CNTN3: variants seen among roughly 807,000 people sequenced by gnomAD.
CNTN3 encodes the protein contactin 3, also known as contactin-3.
CNTN3 carries 60 observed loss-of-function variants against 119.1 expected under a neutral mutation model. The ratio of observed to expected loss-of-function variants is 0.50; its 90% CI spans 0.41 to 0.62. CNTN3 has a LOEUF of 0.62. Among genes scored for constraint, CNTN3 ranks in the 20% least tolerant of loss-of-function variants. CNTN3 has a pLI of 0.00. For missense variants in CNTN3, 1,101 were observed against 1,242.4 expected, an observed-to-expected ratio of 0.89 and a Z score of 1.71; for synonymous variants, 450 against 438.7, an observed-to-expected ratio of 1.03 and a Z score of -0.32.
intron 4 of CNTN3, among the ~76,000 whole-genome samples, chr3:74,468,962 TC>T (rs1453661690): frequency 6.6e-6 from 1 of 152,096 alleles, no homozygotes; most frequent in East Asian, 1.9e-4. Flanking sequence ...GCAAGCATAT[TC>T]TAAAGGCCAT....
intron 20 of CNTN3, among the ~76,000 whole-genome samples, chr3:74,282,660 A>G (rs1353788658): frequency 1.3e-5 from 2 of 152,132 alleles, no homozygotes; most frequent in African/African-American, 4.8e-5. Context: ...TTCTCTTCAT[A>G]GTGATAATCA....
At chr3:74,280,989 T>C (rs1701994920) in intron 20 of CNTN3, among the ~76,000 whole-genome samples, 1 of 152,124 alleles carries the variant, frequency 6.6e-6, no homozygotes, top group Non-Finnish European at 1.5e-5. Context: ...TGTGGGTATC[T>C]GGAGGAAGAG....
In CNTN3 at chr3:74,612,441, A is replaced by C. The variant is rs77087390; in HGVS notation, c.-81+1950T>G. Among the ~76,000 whole-genome samples the C allele has an allele frequency of 1.3e-3, 204 of 152,280 alleles. 1 individual carries two copies. In the East Asian group the frequency reaches 0.032, roughly 24 times the overall value. ...CTGGTTGTGTTGTGAAGAATATTTA[A>C]AAGTTAGAGTTCTCCTGGAGAAATG... On this transcript the variant is annotated intron_variant, in intron 1 of 22. Coordinates refer to ENST00000263665, the MANE Select transcript of CNTN3 (RefSeq NM_020872.3).
At chr3:74,453,913 G>A (rs1394158973) in intron 4 of CNTN3, among the ~76,000 whole-genome samples, 1 of 152,092 alleles carries the variant, frequency 6.6e-6, no homozygotes, top group Non-Finnish European at 1.5e-5. Flanking sequence ...CATTTGCTGA[G>A]GAGAGCTTTA....
intron 5 of CNTN3, among the ~76,000 whole-genome samples, chr3:74,424,598 G>A (rs942720442): frequency 6.6e-6 from 1 of 152,106 alleles, no homozygotes; most frequent in African/African-American, 2.4e-5. Flanking sequence ...GCACCGTTAG[G>A]TGACTGAAGC....
intron 3 of CNTN3, among the ~76,000 whole-genome samples, chr3:74,492,307 G>A (rs994774436): frequency 2.0e-5 from 3 of 152,112 alleles, no homozygotes; most frequent in Non-Finnish European, 4.4e-5. Context: ...TAATCAGAGA[G>A]AAATATTTGG....
chr3:74,297,384 G>GAA (rs72102148), intron 18 of CNTN3, among the ~76,000 whole-genome samples: 2,443 of 145,016 alleles, frequency 0.017, 74 homozygotes, highest in African/African-American at 0.056. Context: ...ATGCCCAGAA[G>GAA]AAAAAAAAAA....
intron 4 of CNTN3, among the ~76,000 whole-genome samples, chr3:74,438,188 T>C (rs1701903734): frequency 6.6e-6 from 1 of 152,180 alleles, no homozygotes; most frequent in South Asian, 2.1e-4. Context: ...TAAGAACTTT[T>C]TAATAGTGTA....
chr3:74,495,885 A>T (rs1406723153), intron 3 of CNTN3, among the ~76,000 whole-genome samples: 1 of 152,056 alleles, frequency 6.6e-6, no homozygotes, highest in African/African-American at 2.4e-5. Context: ...TAGAGCTGAA[A>T]GAGAATAACG....
At chr3:74,470,378 A>G (rs1474027968) in intron 4 of CNTN3, among the ~76,000 whole-genome samples, 2 of 151,810 alleles carry the variant, frequency 1.3e-5, no homozygotes, top group Non-Finnish European at 2.9e-5. Flanking sequence ...TAGTATCTGA[A>G]TCTGTCCTTC....
At chr3:74,433,915 A>T (rs182125247) in intron 4 of CNTN3, among the ~76,000 whole-genome samples, 93 of 152,248 alleles carry the variant, frequency 6.1e-4, no homozygotes, top group Non-Finnish European at 5.4e-4. Context: ...CCAGGATTAG[A>T]GCCTTGTCAT....
At chr3:74,593,737 A>T (rs2106691088) in intron 1 of CNTN3, among the ~76,000 whole-genome samples, 1 of 152,078 alleles carries the variant, frequency 6.6e-6, no homozygotes, top group Non-Finnish European at 1.5e-5. Flanking sequence ...CTGTTTCTTG[A>T]TTGGGACAAA....
At chr3:74,296,189 T>A (rs1279327377) in intron 18 of CNTN3, among the ~76,000 whole-genome samples, 5 of 152,168 alleles carry the variant, frequency 3.3e-5, no homozygotes, top group African/African-American at 1.2e-4. Context: ...GTAAGCCCGA[T>A]TCATTTTTCA....
At chr3:74,597,628 C>T (rs1390385300) in intron 1 of CNTN3, among the ~76,000 whole-genome samples, 1 of 151,982 alleles carries the variant, frequency 6.6e-6, no homozygotes, top group African/African-American at 2.4e-5. Flanking sequence ...GTTTCTTTTT[C>T]AGGGATTTGT....
chr3:74,394,013 C>T (rs1253246345), intron 5 of CNTN3, among the ~76,000 whole-genome samples: 5 of 152,048 alleles, frequency 3.3e-5, no homozygotes, highest in Non-Finnish European at 7.4e-5. Flanking sequence ...TATTGTGCAG[C>T]AGAATAAGAA....
chr3:74,359,121 G>T lies in CNTN3; in HGVS notation c.1364+2769C>A, dbSNP rs148111291. ...AGTGGTTTTGGTTCATGAGTTGAGA[G>T]TGGTGGGACAGCAAGACAGCAGGGC... On this transcript the variant is annotated intron_variant, in intron 11 of 22. Transcript: ENST00000263665. Among the ~76,000 whole-genome samples the T allele has an allele frequency of 5.6e-3, 852 of 152,214 alleles. 6 individuals carry two copies. Among genetic ancestry groups the T allele is most frequent in the Non-Finnish European group, 5.9e-3 (399 of 68,020 alleles).
intron 22 of CNTN3, among the ~76,000 whole-genome samples, chr3:74,265,518 A>G (rs1225758911): frequency 3.9e-5 from 6 of 152,158 alleles, no homozygotes; most frequent in African/African-American, 1.4e-4. Flanking sequence ...GTAGTCCAAG[A>G]TGGGTTCTGC....
intron 4 of CNTN3, among the ~76,000 whole-genome samples, chr3:74,484,872 T>C (rs1228381833): frequency 1.3e-5 from 2 of 152,166 alleles, no homozygotes; most frequent in South Asian, 2.1e-4. Context: ...CAAGGGAATA[T>C]GATGACATTC....
chr3:74,290,617 G>C (rs1702208884), intron 19 of CNTN3, among the ~76,000 whole-genome samples: 1 of 152,216 alleles, frequency 6.6e-6, no homozygotes. Flanking sequence ...CATGATTTCT[G>C]TAAAGGACAA....
Sources: allele counts gnomAD v4.1 joint callset (sites outside exome capture counted in the v4.1 genomes callset), GRCh38; gene constraint gnomAD v4.1.1; transcripts MANE v1.5; gene names NCBI Gene and HGNC (gene_info 2026-07-23, HGNC 2026-07-21).